VPS13B: variants seen among roughly 807,000 people sequenced by gnomAD.
VPS13B encodes the protein vacuolar protein sorting 13 homolog B.
Under a neutral mutation model 426.4 loss-of-function variants are expected in VPS13B, and 285 were observed. The ratio of observed to expected loss-of-function variants is 0.67; its 90% CI spans 0.61 to 0.74. The LOEUF is 0.74. Among genes scored for constraint, VPS13B ranks in the 30% least tolerant of loss-of-function variants. The pLI is 0.00. For synonymous variants in VPS13B, 1,676 were observed against 1,676.4 expected (o/e 1.00, Z 0.01); for missense variants, 4,537 against 4,782.6 (o/e 0.95, Z 1.51).
At chr8:99,102,364 C>T (rs561984191) in intron 4 of VPS13B, among the ~76,000 whole-genome samples, 2 of 151,990 alleles carry the variant, frequency 1.3e-5, no homozygotes, top group East Asian at 3.9e-4. Context: ...TTTTCTTCTT[C>T]ATTCATATTT....
At chr8:99,299,246 A>G (rs1798574808) in intron 19 of VPS13B, among the ~76,000 whole-genome samples, 1 of 151,620 alleles carries the variant, frequency 6.6e-6, no homozygotes, top group South Asian at 2.1e-4. Flanking sequence ...TATTTTTAGT[A>G]GAGACGGGGT....
intron 19 of VPS13B, among the ~76,000 whole-genome samples, chr8:99,286,103 A>G (rs1819428276): frequency 6.6e-6 from 1 of 152,164 alleles, no homozygotes; most frequent in African/African-American, 2.4e-5. Context: ...TCATGCTGCA[A>G]ATAGTCTTAA....
At chr8:99,337,720 C>G (rs1811001927) in intron 19 of VPS13B, among the ~76,000 whole-genome samples, 1 of 151,820 alleles carries the variant, frequency 6.6e-6, no homozygotes, top group South Asian at 2.1e-4. Context: ...ATTTTAATAC[C>G]TTGGTAAATT....
chr8:99,337,330 A>G (rs1392507458), intron 19 of VPS13B, among the ~76,000 whole-genome samples: 1 of 132,130 alleles, frequency 7.6e-6, no homozygotes, highest in Non-Finnish European at 1.6e-5. Context: ...ACATGGACAT[A>G]GGAAGGGGAA....
chr8:99,819,391 G>T, intron 47 of VPS13B, 21 bp from the exon 48 acceptor site: 1 of 1,612,420 alleles, frequency 6.2e-7, no homozygotes, highest in Non-Finnish European at 8.5e-7. Context: ...ATTATTCTTG[G>T]TTTTTATTTC....
chr8:99,574,823 A>G (rs758011582), intron 31 of VPS13B, among the ~76,000 whole-genome samples: 2 of 152,066 alleles, frequency 1.3e-5, no homozygotes, highest in Non-Finnish European at 2.9e-5. Context: ...AACAGTCCCT[A>G]CTTTACATAC....
At chr8:99,133,572 T>G (rs995136795) in intron 8 of VPS13B, among the ~76,000 whole-genome samples, 6 of 152,244 alleles carry the variant, frequency 3.9e-5, no homozygotes, top group Admixed American at 3.9e-4. Flanking sequence ...TTCACTAAGC[T>G]TAATCATTTC....
intron 3 of VPS13B, among the ~76,000 whole-genome samples, chr8:99,054,790 C>G (rs1224109869): frequency 1.3e-5 from 2 of 152,062 alleles, no homozygotes; most frequent in Non-Finnish European, 1.5e-5. Context: ...CAACTTCATT[C>G]TATGGTTATT....
intron 30 of VPS13B, among the ~76,000 whole-genome samples, chr8:99,549,412 CAG>C (rs1423098950): frequency 1.3e-5 from 2 of 152,070 alleles, no homozygotes; most frequent in Non-Finnish European, 2.9e-5. Context: ...ACATTTTATA[CAG>C]AGTCTGAGGA....
intron 33 of VPS13B, among the ~76,000 whole-genome samples, chr8:99,601,793 GTCT>G (rs1827312234): frequency 6.6e-6 from 1 of 152,178 alleles, no homozygotes; most frequent in African/African-American, 2.4e-5. Context: ...CTGCATAAAC[GTCT>G]TCTTTTGAAA....
At chr8:99,275,872 C>A (rs76612920) in intron 19 of VPS13B, among the ~76,000 whole-genome samples, 14 of 152,252 alleles carry the variant, frequency 9.2e-5, no homozygotes, top group Non-Finnish European at 1.8e-4. Flanking sequence ...CATGAATTCA[C>A]TTAGCCAGTA....
intron 25 of VPS13B, among the ~76,000 whole-genome samples, chr8:99,488,096 G>A (rs974116729): frequency 6.6e-6 from 1 of 152,112 alleles, no homozygotes; most frequent in African/African-American, 2.4e-5. Flanking sequence ...AGAGGGAGGG[G>A]AAAGAAAGTA....
chr8:99,249,614 G>A (rs1180112945), intron 17 of VPS13B, among the ~76,000 whole-genome samples: 1 of 152,066 alleles, frequency 6.6e-6, no homozygotes, highest in Non-Finnish European at 1.5e-5. Context: ...TAGTAGAGAC[G>A]GGGTTTCACT....
chr8:99,266,869 C>G (rs1445538881), intron 17 of VPS13B, among the ~76,000 whole-genome samples: 2 of 152,174 alleles, frequency 1.3e-5, no homozygotes, highest in African/African-American at 4.8e-5. Flanking sequence ...TCAATCAAAC[C>G]TCTTTTCTTT....
chr8:99,563,904 G>T (rs779588203), intron 31 of VPS13B, among the ~76,000 whole-genome samples: 1 of 152,154 alleles, frequency 6.6e-6, no homozygotes, highest in East Asian at 1.9e-4. Flanking sequence ...CTTGACAGAC[G>T]TATAAATAGG....
At chr8:99,637,985 A>G (rs1469591141) in intron 33 of VPS13B, among the ~76,000 whole-genome samples, 2 of 152,054 alleles carry the variant, frequency 1.3e-5, no homozygotes, top group African/African-American at 4.8e-5. Flanking sequence ...GCTTGATTTC[A>G]CATTTGACTG....
chr8:99,455,814 T>C lies in VPS13B; in HGVS notation c.3446-11600T>C, dbSNP rs561854366. Among the ~76,000 whole-genome samples, 5 of 152,344 alleles carry C rather than the reference T, an allele frequency of 3.3e-5. No individual in the cohort carries two copies. The East Asian group carries it at 9.6e-4, about 29-fold the overall frequency. ...CATATATCAGTAGTGTTCCTTTTTA[T>C]TGCTGAGGAGCATTCCATTGTATGA... On this transcript the variant is annotated intron_variant, in intron 23 of 61. Transcript: ENST00000357162.
intron 22 of VPS13B, among the ~76,000 whole-genome samples, chr8:99,432,982 T>C (rs1418822129): frequency 1.3e-5 from 2 of 152,204 alleles, no homozygotes; most frequent in Non-Finnish European, 2.9e-5. Context: ...AGGAGAGATA[T>C]TCATTAAATG....
intron 19 of VPS13B, among the ~76,000 whole-genome samples, chr8:99,368,857 T>G (rs760367410): frequency 6.6e-6 from 1 of 152,220 alleles, no homozygotes; most frequent in African/African-American, 2.4e-5. Flanking sequence ...AGAATGGGCA[T>G]TCATGATCTA....
Sources: allele counts gnomAD v4.1 joint callset (sites outside exome capture counted in the v4.1 genomes callset), GRCh38; gene constraint gnomAD v4.1.1; transcripts MANE v1.5; gene names NCBI Gene and HGNC (gene_info 2026-07-23, HGNC 2026-07-21).